Variants in STAG2 observed in about 807,000 individuals in gnomAD.
STAG2 encodes STAG2 cohesin complex component.
STAG2 carries 14 observed loss-of-function variants against 108.1 expected under a neutral mutation model. The ratio of observed to expected loss-of-function variants is 0.13; its 90% CI spans 0.09 to 0.20. The LOEUF (loss-of-function observed/expected upper bound fraction) is 0.20, where lower values mean the gene tolerates loss of function less well. Ranked by LOEUF, STAG2 falls within the 10% of genes least tolerant of loss-of-function variation. The pLI, the probability that STAG2 is intolerant of heterozygous loss-of-function variation, is 1.00. For missense variants in STAG2, 440 were observed against 940.9 expected, an observed-to-expected ratio of 0.47 and a Z score of 6.96; for synonymous variants, 307 against 302.7, an observed-to-expected ratio of 1.01 and a Z score of -0.15.
intron 1 of STAG2, among the ~76,000 whole-genome samples, chrX:123,981,274 T>C (rs2054863038): frequency 1.8e-5 from 2 of 110,814 alleles, no homozygotes; most frequent in African/African-American, 6.6e-5. Context: ...ATAATAAAAC[T>C]GTACCCATTA....
intron 1 of STAG2, among the ~76,000 whole-genome samples, chrX:124,001,092 AAATT>A (rs888272579): frequency 2.7e-5 from 3 of 111,233 alleles, no homozygotes; most frequent in African/African-American, 9.8e-5. Context: ...AGAAGAAAAA[AAATT>A]TTTTTTTCTT....
At position 124,063,160 on chromosome X, in the gene STAG2, T is replaced by C. The variant is rs1440230944; in HGVS notation, c.1776T>C (p.Pro592=). ...AEKVTNLLQL[P]QYFDLEIYTT... ...AGGTGACTAACTTGTTGCAGTTGCC[T>C]CAGTACTTTGATTTGGAAATATATA... The change falls in exon 19 of 35, where the codon CCT becomes CCC. Residue 592 remains proline (P), a synonymous_variant. Coordinates refer to ENST00000371145, the MANE Select transcript of STAG2 (RefSeq NM_001042750.2). 1.7e-6 allele frequency: 2 copies of C among 1,208,118 alleles called. No individual in the cohort carries two copies. The highest frequency in any genetic ancestry group is 2.2e-6 in the Non-Finnish European group (2 of 893,221).
chrX:123,963,316 T>C (rs1455518871), intron 1 of STAG2: 2 of 111,364 alleles, frequency 1.8e-5, no homozygotes, highest in East Asian at 2.8e-4. Flanking sequence ...GCCTAGCGCG[T>C]TGCGTTTAAG....
At chrX:124,027,017 A>G (rs2148028240) in intron 4 of STAG2, among the ~76,000 whole-genome samples, 1 of 111,939 alleles carries the variant, frequency 8.9e-6, no homozygotes, top group African/African-American at 3.2e-5. Flanking sequence ...ATCCTGCCTC[A>G]GCCTCTCGAC....
At chrX:124,030,760 CAT>C (rs1180581255) in intron 4 of STAG2, among the ~76,000 whole-genome samples, 199 bp from the exon 5 acceptor site, 2 of 111,192 alleles carry the variant, frequency 1.8e-5, no homozygotes, top group African/African-American at 6.5e-5. Context: ...ACTACTATGT[CAT>C]GTGAGGCATG....
At chrX:123,998,470 CGT>C (rs1177731570) in intron 1 of STAG2, among the ~76,000 whole-genome samples, 10 of 105,276 alleles carry the variant, frequency 9.5e-5, no homozygotes, top group African/African-American at 3.5e-4. Context: ...CACGCCCTGC[CGT>C]GTGTGTGTAT....
chrX:124,013,016 GC>G (rs1347541048), intron 1 of STAG2, among the ~76,000 whole-genome samples: 1 of 111,419 alleles, frequency 9.0e-6, no homozygotes, highest in Non-Finnish European at 1.9e-5. Flanking sequence ...TATGAAATCT[GC>G]CTTTTTTTGA....
chrX:124,081,090 T>G (rs995625277), intron 27 of STAG2, among the ~76,000 whole-genome samples: 1 of 50,062 alleles, frequency 2.0e-5, no homozygotes, highest in Non-Finnish European at 5.2e-5. Context: ...TTTGCTGGGG[T>G]TTTTTTTCCC....
intron 1 of STAG2, among the ~76,000 whole-genome samples, chrX:123,984,619 A>T (rs1244015826): frequency 9.0e-6 from 1 of 111,573 alleles, no homozygotes; most frequent in Non-Finnish European, 1.9e-5. Context: ...TTAGTGCTTT[A>T]TCTGGATACT....
intron 34 of STAG2, among the ~76,000 whole-genome samples, chrX:124,099,521 C>G (rs925547774): frequency 9.0e-6 from 1 of 111,016 alleles, no homozygotes; most frequent in African/African-American, 3.3e-5. Flanking sequence ...ATTGGGTGCA[C>G]GAGTCCTCTT....
In STAG2 at chrX:124,030,961, A is replaced by G; in HGVS notation, c.124A>G (p.Thr42Ala). 8.4e-7 allele frequency: 1 copy of G among 1,191,797 alleles called. No individual in the cohort carries two copies. Among genetic ancestry groups the G allele is most frequent in the Non-Finnish European group, 1.1e-6 (1 of 887,833 alleles). The change falls in exon 5 of 35, where the codon ACT becomes GCT. Residue 42 changes from threonine (T) to alanine (A), a missense_variant and splice_region_variant. Physicochemically the swap from Thr to Ala is moderately conservative, Grantham distance 58. This residue lies in a region of STAG2 where 34 missense variants were observed against 36.7 expected (regional missense o/e 0.93). Transcript: ENST00000371145. ...TAACCACCTCGTATTTTTTATGCAG[A>G]CTTGTAAAAAAGGCAAAAAGGGCCC... ...GKNQKQGKGKTCKKGKKGPAE... is the reference protein window; with the variant it reads ...GKNQKQGKGKACKKGKKGPAE...
At chrX:123,972,684 C>A (rs998167131) in intron 1 of STAG2, among the ~76,000 whole-genome samples, 1 of 107,924 alleles carries the variant, frequency 9.3e-6, no homozygotes, top group Non-Finnish European at 1.9e-5. Flanking sequence ...GTAGTGACTA[C>A]GGGAGACAAA....
intron 1 of STAG2, among the ~76,000 whole-genome samples, chrX:124,019,391 G>A (rs1252991910): frequency 9.1e-6 from 1 of 110,468 alleles, no homozygotes. Context: ...GTGGCAAGTA[G>A]GTACCTTCTC....
intron 4 of STAG2, among the ~76,000 whole-genome samples, chrX:124,027,669 T>TG (rs1335072941): frequency 8.9e-6 from 1 of 111,833 alleles, no homozygotes; most frequent in Non-Finnish European, 1.9e-5. Context: ...TTCCATGTGT[T>TG]GTGCTAACAA....
intron 23 of STAG2, among the ~76,000 whole-genome samples, chrX:124,067,699 A>G: frequency 8.9e-6 from 1 of 111,958 alleles, no homozygotes; most frequent in Non-Finnish European, 1.9e-5. Context: ...ACTGGAAAAA[A>G]GGCAGTATTT....
intron 30 of STAG2, among the ~76,000 whole-genome samples, chrX:124,087,877 A>C (rs185531924): frequency 1.3e-4 from 15 of 112,240 alleles, no homozygotes; most frequent in Non-Finnish European, 2.3e-4. Context: ...GAATTTTAGT[A>C]TCTTTTGTCC....
At chrX:124,096,302 C>G (rs796445775) in intron 34 of STAG2, among the ~76,000 whole-genome samples, 1 of 111,058 alleles carries the variant, frequency 9.0e-6, no homozygotes, top group Non-Finnish European at 1.9e-5. Flanking sequence ...ATTCTATGCT[C>G]TAGCCATATC....
chrX:124,099,863 G>C (rs999694070), intron 34 of STAG2, among the ~76,000 whole-genome samples: 1 of 111,430 alleles, frequency 9.0e-6, no homozygotes, highest in Non-Finnish European at 1.9e-5. Context: ...TGCCATTCTT[G>C]TTTAGTGAAC....
Position 124,061,280 on chromosome X carries a change from G to A in STAG2, c.1473G>A (p.Leu491=), listed in dbSNP as rs1165754106. Reference sequence around the variant, plus strand: ...GCATGTGGGACTGTGCTACTGAGCTGCTGAAAGACTGGGAATGTATGAATA... The same window carrying A: ...GCATGTGGGACTGTGCTACTGAGCTACTGAAAGACTGGGAATGTATGAATA... ...VDSMWDCATE[L]LKDWECMNSL... is the part of the protein sequence containing the mutation. The change falls in exon 16 of 35, where the codon CTG becomes CTA. Residue 491 remains leucine (L), a synonymous_variant. Transcript: ENST00000371145. The A allele has an allele frequency of 8.3e-7, 1 of 1,210,652 alleles. No individual in the cohort carries two copies. The highest frequency in any genetic ancestry group is 1.1e-6 in the Non-Finnish European group (1 of 894,818).
Sources: allele counts gnomAD v4.1 joint callset (sites outside exome capture counted in the v4.1 genomes callset), GRCh38; gene constraint gnomAD v4.1.1; regional missense constraint gnomAD v4.1.1; transcripts MANE v1.5; gene names NCBI Gene and HGNC (gene_info 2026-07-23, HGNC 2026-07-21).